KMT2C: variants seen among roughly 807,000 people sequenced by gnomAD.
KMT2C encodes the protein lysine methyltransferase 2C.
In KMT2C, 88 loss-of-function variants were observed where a neutral mutation model predicts 507.9. That is an observed-to-expected ratio of 0.17 (90% CI 0.15 to 0.21). The LOEUF (loss-of-function observed/expected upper bound fraction) is 0.21, where lower values mean the gene tolerates loss of function less well. Among genes scored for constraint, KMT2C ranks in the 10% least tolerant of loss-of-function variants. The probability of loss-of-function intolerance (pLI) is 1.00; values close to 1 mark genes in which losing one functional copy is unlikely to be tolerated. For synonymous variants in KMT2C, 2,049 were observed against 2,080.8 expected (o/e 0.98, Z 0.42); for missense variants, 4,954 against 5,957.8 (o/e 0.83, Z 5.55).
intron 1 of KMT2C, chr7:152,367,701 G>T (rs2097258718): frequency 1.8e-5 from 24 of 1,341,050 alleles, no homozygotes; most frequent in Non-Finnish European, 2.0e-5. Flanking sequence ...CCCAGGATTT[G>T]GAGATGTAGT....
intron 2 of KMT2C, among the ~76,000 whole-genome samples, chr7:152,354,954 T>A (rs1305742039): frequency 6.6e-6 from 1 of 152,172 alleles, no homozygotes; most frequent in South Asian, 2.1e-4. Flanking sequence ...GGCTACTATG[T>A]GTGGGACAAG....
chr7:152,318,374 T>G (rs371531782), intron 3 of KMT2C, among the ~76,000 whole-genome samples: 2 of 151,978 alleles, frequency 1.3e-5, no homozygotes, highest in Admixed American at 6.6e-5. Context: ...GAGGCCTAGT[T>G]GGGCAGATCA....
At chr7:152,249,581 C>T (rs1194388272) in intron 13 of KMT2C, among the ~76,000 whole-genome samples, 1 of 143,234 alleles carries the variant, frequency 7.0e-6, no homozygotes, top group Non-Finnish European at 1.5e-5. Flanking sequence ...TTCTTTCCCA[C>T]TTTATTGAAA....
chr7:152,391,200 A>C (rs2097493721), intron 1 of KMT2C, among the ~76,000 whole-genome samples: 1 of 138,072 alleles, frequency 7.2e-6, no homozygotes, highest in Non-Finnish European at 1.5e-5. Flanking sequence ...ATTCTGTTGC[A>C]TGTATGTTTT....
At position 152,187,331 on chromosome 7, in the gene KMT2C, C is replaced by G. The variant is rs1405466580; in HGVS notation, c.4939G>C (p.Glu1647Gln). The change falls in exon 33 of 59, where the codon GAA becomes CAA. Residue 1647 changes from glutamate (E) to glutamine (Q), a missense_variant. Physicochemically the swap from Glu to Gln is conservative, Grantham distance 29. Coordinates refer to ENST00000262189, the MANE Select transcript of KMT2C (RefSeq NM_170606.3). Reference sequence around the variant, plus strand: ...AGAACTGGGGCAACAGTTGCCATTTCACCCAGAGCCTCCTCTTTCTCCCAC... The same window carrying G: ...AGAACTGGGGCAACAGTTGCCATTTGACCCAGAGCCTCCTCTTTCTCCCAC... ...LKWEKEEALG[E>Q]MATVAPVLYT... is the part of the protein sequence containing the mutation. 1 of 1,614,028 alleles carries G rather than the reference C, an allele frequency of 6.2e-7. No individual in the cohort carries two copies. The highest frequency in any genetic ancestry group is 8.5e-7 in the Non-Finnish European group (1 of 1,179,986).
Position 152,409,010 on chromosome 7 carries a change from C to CAA in KMT2C, c.161+26615_161+26616insTT, listed in dbSNP as rs561757829. Among the ~76,000 whole-genome samples, 339 of 150,880 alleles carry CAA rather than the reference C, an allele frequency of 2.2e-3. 1 individual carries two copies. Among genetic ancestry groups the CAA allele is most frequent in the African/African-American group, 7.9e-3 (325 of 41,110 alleles). ...GTTTCTCTCTCTTTTTTTTTTGAGA[C>CAA]AGAGTTTCCCTCTGTTACCCAGGCT... On this transcript the variant is annotated intron_variant, in intron 1 of 58. Coordinates refer to ENST00000262189, the MANE Select transcript of KMT2C (RefSeq NM_170606.3).
intron 1 of KMT2C, among the ~76,000 whole-genome samples, chr7:152,411,699 C>A (rs2097686351): frequency 6.6e-6 from 1 of 152,254 alleles, no homozygotes; most frequent in South Asian, 2.1e-4. Flanking sequence ...TAACCACTTA[C>A]AAGAACTTCC....
intron 2 of KMT2C, among the ~76,000 whole-genome samples, chr7:152,346,940 A>C (rs1045881501): frequency 1.3e-5 from 2 of 152,198 alleles, no homozygotes; most frequent in African/African-American, 4.8e-5. Context: ...ATCCTGGCTA[A>C]CACGGTGAAA....
intron 1 of KMT2C, chr7:152,368,507 T>C (rs2097265676): frequency 1.5e-6 from 2 of 1,334,372 alleles, no homozygotes; most frequent in Non-Finnish European, 2.1e-6. Context: ...CGTGAGCTAA[T>C]GAAAAAGAAT....
chr7:152,199,232 G>A (rs1174645174), intron 27 of KMT2C, 47 bp downstream of exon 27: 4 of 1,409,968 alleles, frequency 2.8e-6, no homozygotes, highest in Non-Finnish European at 3.9e-6. Context: ...AAAGGAAGAT[G>A]TATGTTATAT....
intron 6 of KMT2C, among the ~76,000 whole-genome samples, chr7:152,301,659 C>G (rs1350313644): frequency 3.3e-5 from 5 of 152,118 alleles, no homozygotes; most frequent in African/African-American, 1.2e-4. Flanking sequence ...TGCATTCCAG[C>G]TTAAACAACT....
At position 152,330,042 on chromosome 7, in the gene KMT2C, C is replaced by G. The variant is rs559086576; in HGVS notation, c.389+559G>C. On this transcript the variant is annotated intron_variant, in intron 3 of 58. Coordinates refer to ENST00000262189, the MANE Select transcript of KMT2C (RefSeq NM_170606.3). ...GCCTATAATCCTAGCTACTCAGGAGCCTGAGGCAGAAGACTCTCTTGAACC... is the reference window on the plus strand; with the variant it reads ...GCCTATAATCCTAGCTACTCAGGAGGCTGAGGCAGAAGACTCTCTTGAACC... Among the ~76,000 whole-genome samples, 34 of 150,324 alleles carry G rather than the reference C, an allele frequency of 2.3e-4. 2 individuals carry two copies. Among genetic ancestry groups the G allele is most frequent in the African/African-American group, 7.8e-4 (32 of 40,912 alleles).
chr7:152,148,017 G>A lies in KMT2C; in HGVS notation c.13894+16C>T. The A allele has an allele frequency of 6.4e-7, 1 of 1,551,830 alleles. No homozygotes were observed. The highest frequency in any genetic ancestry group is 8.7e-7 in the Non-Finnish European group (1 of 1,146,126). On this transcript the variant is annotated intron_variant, in intron 52 of 58. Coordinates refer to ENST00000262189, the MANE Select transcript of KMT2C (RefSeq NM_170606.3). This position sits in a 1 kb window ranked among gnomAD's most constrained non-coding sequence, Gnocchi z 7.1. ...GAGTAAGTAGCACTGCACAGCATGT[G>A]AACGGCAGACGTTACCTTTAGGTGA...
intron 23 of KMT2C, among the ~76,000 whole-genome samples, chr7:152,210,624 A>G (rs2094434282): frequency 1.3e-5 from 2 of 152,182 alleles, no homozygotes; most frequent in Admixed American, 6.5e-5. Flanking sequence ...ATTGTGGGCC[A>G]TGGAAGCCAG....
intron 2 of KMT2C, among the ~76,000 whole-genome samples, chr7:152,344,943 T>TGC (rs1317307966): frequency 6.6e-6 from 1 of 151,902 alleles, no homozygotes; most frequent in African/African-American, 2.4e-5. Context: ...GCCAAGATGA[T>TGC]GCCACTGCAC....
At chr7:152,184,943 T>A (rs1025121966) in intron 34 of KMT2C, among the ~76,000 whole-genome samples, 19 of 152,140 alleles carry the variant, frequency 1.2e-4, no homozygotes, top group African/African-American at 4.3e-4. Flanking sequence ...TTTATAGAGA[T>A]GAGGTTTTGG....
rs1394290891 is a variant in KMT2C, at chr7:152,285,563, C to T, written c.850-11696G>A. Among the ~76,000 whole-genome samples the T allele has an allele frequency of 5.3e-5, 8 of 152,182 alleles. No homozygotes were observed. In the East Asian group the frequency reaches 1.5e-3, roughly 29 times the overall value. On this transcript the variant is annotated intron_variant, in intron 6 of 58. Transcript: ENST00000262189. ...TCAGAGTAACTTTCCTAAAATGTCT[C>T]AAATCTGAAGAAAACGTAAAAGCTA... is the stretch of plus-strand genomic sequence containing the variant.
At chr7:152,156,102 T>G in intron 45 of KMT2C, 45 bp from the exon 46 acceptor site, 1 of 1,598,804 alleles carries the variant, frequency 6.3e-7, no homozygotes, top group Non-Finnish European at 8.5e-7. Flanking sequence ...TCAGTCAATA[T>G]TGATAAATGG....
intron 18 of KMT2C, among the ~76,000 whole-genome samples, chr7:152,229,034 TG>T (rs1201923752): frequency 6.6e-6 from 1 of 152,228 alleles, no homozygotes; most frequent in East Asian, 1.9e-4. Context: ...GAGATAATGT[TG>T]ATTTGCTTAC....
Sources: gnomAD v4.1 joint callset for allele counts (sites outside exome capture counted in the v4.1 genomes callset) on GRCh38, gnomAD v4.1.1 for gene constraint, Gnocchi (gnomAD v3.1) non-coding constraint, MANE v1.5 for transcripts, NCBI Gene and HGNC (gene_info 2026-07-23, HGNC 2026-07-21) for gene names.